Variants in TCP11 observed in about 807,000 individuals in gnomAD.
TCP11 encodes the protein T-complex protein 11 homolog.
A neutral mutation model predicts 45.0 loss-of-function variants in TCP11; 34 were observed. The ratio of observed to expected loss-of-function variants is 0.76; its 90% confidence interval spans 0.57 to 1.01. The LOEUF is 1.01. Among genes scored for constraint, TCP11 ranks in the 50% least tolerant of loss-of-function variants. The pLI is 0.00. For missense variants in TCP11, 523 were observed against 598.1 expected, an observed-to-expected ratio of 0.87 and a Z score of 1.31; for synonymous variants, 227 against 227.0, an observed-to-expected ratio of 1.00 and a Z score of 0.00.
At chr6:35,126,070 G>T (rs1050688308) in intron 4 of TCP11, among the ~76,000 whole-genome samples, 4 of 152,098 alleles carry the variant, frequency 2.6e-5, no homozygotes, top group African/African-American at 9.7e-5. Flanking sequence ...AATGGATAGT[G>T]GTGATGGTTA....
chr6:35,125,265 A>G (rs1779702317), intron 4 of TCP11, among the ~76,000 whole-genome samples: 1 of 152,166 alleles, frequency 6.6e-6, no homozygotes, highest in Admixed American at 6.5e-5. Context: ...TGGAGAAAAC[A>G]TAGGTGTAAA....
chr6:35,127,449 G>A (rs1043905364), intron 4 of TCP11, among the ~76,000 whole-genome samples: 15 of 152,194 alleles, frequency 9.9e-5, no homozygotes, highest in African/African-American at 3.4e-4. Context: ...CCAACTAGCT[G>A]AAGTTCTGGC....
intron 3 of TCP11, among the ~76,000 whole-genome samples, chr6:35,130,550 A>G (rs1270574051): frequency 6.6e-6 from 1 of 152,206 alleles, no homozygotes; most frequent in Non-Finnish European, 1.5e-5. Flanking sequence ...AGACCTTAAC[A>G]GACATCTCAC....
Position 35,120,876 on chromosome 6 carries a change from T to C in TCP11, c.715+33A>G. The stretch of plus-strand genomic sequence containing the variant: ...TAAAAGTCAGACCCAAGGTAATACC[T>C]TTCCCACTCCTGCCCTCACATTATA... On this transcript the variant is annotated intron_variant, in intron 6 of 9. Coordinates refer to ENST00000311875, the MANE Select transcript of TCP11 (RefSeq NM_001370687.1). The surrounding 1 kb of genome is among the most constrained non-coding windows in gnomAD (Gnocchi z 4.9). The C allele has an allele frequency of 6.3e-7, 1 of 1,591,172 alleles. No homozygotes were observed. Among genetic ancestry groups the C allele is most frequent in the Non-Finnish European group, 8.6e-7 (1 of 1,167,200 alleles).
At chr6:35,140,422 G>A (rs2127697774) in intron 2 of TCP11, 1 of 529,878 alleles carries the variant, frequency 1.9e-6, no homozygotes, top group Non-Finnish European at 3.5e-6. Flanking sequence ...GGATCATTTG[G>A]GTTCTTTAAA....
rs1781589506 is a variant in TCP11 at position 35,140,360 on chromosome 6, CACT to C, written c.124+384_124+386del. Reference sequence around the variant, plus strand: ...ACCGAGCTAGAGACTGGGCCCAGGACACTACTATTTCTTGAGTTAGCAAAGCGC... The same window carrying C: ...ACCGAGCTAGAGACTGGGCCCAGGACACTATTTCTTGAGTTAGCAAAGCGC... On this transcript the variant is annotated intron_variant, in intron 2 of 9. Transcript: ENST00000311875. 2 of 615,878 alleles carry C rather than the reference CACT, an allele frequency of 3.2e-6. 1 individual carries two copies. The highest frequency in any genetic ancestry group is 3.7e-5 in the African/African-American group (2 of 54,026). 38.2% of individuals were successfully genotyped at this position (615,878 alleles called of 1,614,324 possible).
chr6:35,139,249 G>A (rs1021375678), intron 2 of TCP11, among the ~76,000 whole-genome samples: 4 of 151,258 alleles, frequency 2.6e-5, no homozygotes, highest in Non-Finnish European at 4.4e-5. Flanking sequence ...AAGAAGTCAA[G>A]ACGTTGCAAT....
chr6:35,134,137 T>C (rs1780774365), intron 3 of TCP11, among the ~76,000 whole-genome samples: 1 of 152,180 alleles, frequency 6.6e-6, no homozygotes, highest in Non-Finnish European at 1.5e-5. Flanking sequence ...CAAAGATCTC[T>C]GCTTCCTGAT....
chr6:35,137,854 T>C (rs981782994), intron 2 of TCP11: 1 of 455,002 alleles, frequency 2.2e-6, no homozygotes, highest in Non-Finnish European at 4.4e-6. Flanking sequence ...TTGTTGAAGC[T>C]GGATGATGGA....
At chr6:35,133,815 G>C (rs1780733847) in intron 3 of TCP11, among the ~76,000 whole-genome samples, 1 of 151,826 alleles carries the variant, frequency 6.6e-6, no homozygotes, top group African/African-American at 2.4e-5. Flanking sequence ...ATCTGACACT[G>C]AAATTTACCC....
chr6:35,129,732 C>CT (rs1038210065), intron 3 of TCP11, among the ~76,000 whole-genome samples: 2 of 151,636 alleles, frequency 1.3e-5, no homozygotes, highest in Middle Eastern at 3.4e-3. Context: ...AGAAAGAAGT[C>CT]TTTTTTTTCA....
intron 5 of TCP11, among the ~76,000 whole-genome samples, chr6:35,121,682 G>A (rs1431438564): frequency 2.0e-5 from 3 of 151,920 alleles, no homozygotes; most frequent in African/African-American, 7.3e-5. Flanking sequence ...GTGTGGTGGT[G>A]TGCACCTGTA....
intron 4 of TCP11, among the ~76,000 whole-genome samples, chr6:35,128,016 G>C (rs1313338869): frequency 6.6e-6 from 1 of 152,198 alleles, no homozygotes; most frequent in Admixed American, 6.5e-5. Context: ...GTGTTATTTA[G>C]TTTTCTGTGC....
rs1779145985 is a variant in TCP11 at position 35,120,753 on chromosome 6, G to A, written c.716-107C>T. On this transcript the variant is annotated intron_variant, in intron 6 of 9. Transcript: ENST00000311875. The surrounding 1 kb of genome is among the most constrained non-coding windows in gnomAD (Gnocchi z 4.9). ...CTCCTGGTCAATAAATAAATGCTTT[G>A]AGGGTCTTTCTGTCTTAGATAAATG... 26 of 1,405,706 alleles carry A rather than the reference G, an allele frequency of 1.8e-5. 1 individual carries two copies. In the South Asian group the frequency reaches 3.5e-4, roughly 19 times the overall value. 87.1% of individuals were successfully genotyped at this position (1,405,706 alleles called of 1,614,324 possible).
In TCP11 at chr6:35,136,094, GAA is replaced by G; in HGVS notation, c.236+11_236+12del. 2 of 1,605,222 alleles carry G rather than the reference GAA, an allele frequency of 1.2e-6. No homozygotes were observed. Among genetic ancestry groups the G allele is most frequent in the Non-Finnish European group, 1.7e-6 (2 of 1,173,420 alleles). ...CAGGATGAGCAACATGAAGAAAGAAGAAGAGTCTATACCTGCTTGGAGGTAAA... is the reference window on the plus strand; with the variant it reads ...CAGGATGAGCAACATGAAGAAAGAAGGAGTCTATACCTGCTTGGAGGTAAA... On this transcript the variant is annotated intron_variant, in intron 3 of 9. Coordinates refer to ENST00000311875, the MANE Select transcript of TCP11 (RefSeq NM_001370687.1).
intron 1 of TCP11, 132 bp from the exon 2 acceptor site, chr6:35,141,016 G>T: frequency 7.8e-7 from 1 of 1,284,946 alleles, no homozygotes; most frequent in Non-Finnish European, 1.0e-6. Context: ...GCAGAAAGGG[G>T]CAAAGGAGCG....
At chr6:35,127,430 TAAAG>T (rs1359826410) in intron 4 of TCP11, among the ~76,000 whole-genome samples, 1 of 152,164 alleles carries the variant, frequency 6.6e-6, no homozygotes, top group African/African-American at 2.4e-5. Flanking sequence ...CTGCACCAGA[TAAAG>T]AACCCCAACT....
At position 35,118,103 on chromosome 6, in the gene TCP11, G is replaced by T. The variant is rs1414817704; in HGVS notation, c.*166C>A. 6.3e-6 allele frequency: 4 copies of T among 635,260 alleles called. No homozygotes were observed. The highest frequency in any genetic ancestry group is 5.8e-5 in the Admixed American group (2 of 34,200). The allele number at this position is 635,260 out of a possible 1,614,324, so 39.4% of individuals were successfully genotyped here. On this transcript the variant is annotated 3_prime_UTR_variant, in exon 10 of 10. Transcript: ENST00000311875. ...CACTTAAGAAGTTTATTAATGAATG[G>T]GTATGGACCAGTTGGTGTTTACATG...
At chr6:35,119,107 AAAATC>A in intron 9 of TCP11, 116 bp downstream of exon 9, 1 of 1,334,618 alleles carries the variant, frequency 7.5e-7, no homozygotes, top group Non-Finnish European at 1.0e-6. Flanking sequence ...CATTTTGAAA[AAAATC>A]AAGGCTAAAC....
Sources: gnomAD v4.1 joint callset for allele counts (sites outside exome capture counted in the v4.1 genomes callset) on GRCh38, gnomAD v4.1.1 for gene constraint, Gnocchi (gnomAD v3.1) non-coding constraint, MANE v1.5 for transcripts, NCBI Gene and HGNC (gene_info 2026-07-23, HGNC 2026-07-21) for gene names.